Variants in KAZN observed in about 807,000 individuals in gnomAD.
The protein encoded by KAZN is kazrin.
KAZN carries 40 observed loss-of-function variants against 87.4 expected under a neutral mutation model. The observed-to-expected ratio is 0.46, with a 90% CI of 0.36 to 0.60. The LOEUF (loss-of-function observed/expected upper bound fraction) is 0.60. Among genes scored for constraint, KAZN ranks in the 20% least tolerant of loss-of-function variants. The probability of loss-of-function intolerance (pLI) is 0.00; values close to 1 mark genes in which losing one functional copy is unlikely to be tolerated. For missense variants in KAZN, 898 were observed against 1,073.9 expected (o/e 0.84, Z 2.29); for synonymous variants, 466 against 458.3 (o/e 1.02, Z -0.22).
At chr1:15,030,650 A>C (rs1020493506) in intron 2 of KAZN, among the ~76,000 whole-genome samples, 5 of 152,226 alleles carry the variant, frequency 3.3e-5, no homozygotes, top group African/African-American at 7.2e-5. Flanking sequence ...AAACTAGCCT[A>C]GCTGTGCCGG....
At chr1:14,950,038 A>G (rs941356553) in intron 1 of KAZN, among the ~76,000 whole-genome samples, 1 of 152,064 alleles carries the variant, frequency 6.6e-6, no homozygotes. Context: ...ACTGTGCAAT[A>G]TGAGAAAAGG....
intron 2 of KAZN, among the ~76,000 whole-genome samples, chr1:14,323,784 C>A (rs1232163341): frequency 1.3e-5 from 2 of 152,118 alleles, no homozygotes; most frequent in Admixed American, 1.3e-4. Flanking sequence ...ATTCCTTAAT[C>A]CATTCAGAGG....
At chr1:14,178,235 A>G (rs1035287269) in intron 1 of KAZN, among the ~76,000 whole-genome samples, 1 of 152,198 alleles carries the variant, frequency 6.6e-6, no homozygotes, top group Admixed American at 6.5e-5. Flanking sequence ...TCTTTCCTTT[A>G]TAAATTACCC....
intron 2 of KAZN, among the ~76,000 whole-genome samples, chr1:14,289,280 G>T (rs1205897302): frequency 6.6e-6 from 1 of 152,146 alleles, no homozygotes; most frequent in Non-Finnish European, 1.5e-5. Flanking sequence ...TGACAATGGG[G>T]TGTTAAAATC....
At chr1:14,629,534 G>C (rs1381128292) in intron 1 of KAZN, among the ~76,000 whole-genome samples, 1 of 152,182 alleles carries the variant, frequency 6.6e-6, no homozygotes, top group African/African-American at 2.4e-5. Flanking sequence ...GGGTGAGGTG[G>C]CCACGCCCTG....
intron 2 of KAZN, among the ~76,000 whole-genome samples, chr1:14,397,893 A>T (rs1019889386): frequency 7.3e-5 from 11 of 151,360 alleles, no homozygotes; most frequent in Admixed American, 2.0e-4. Flanking sequence ...GGCAGAAGGA[A>T]GGATGTGCCT....
At chr1:14,944,249 A>G (rs528176603) in intron 1 of KAZN, among the ~76,000 whole-genome samples, 111 of 150,622 alleles carry the variant, frequency 7.4e-4, no homozygotes, top group African/African-American at 2.7e-3. Flanking sequence ...AAAAAAAGCA[A>G]CTCACATTTT....
chr1:13,932,110 A>G (rs1322994701), intron 1 of KAZN, among the ~76,000 whole-genome samples: 1 of 150,350 alleles, frequency 6.7e-6, no homozygotes, highest in East Asian at 2.0e-4. Flanking sequence ...CACCTGCCTC[A>G]GTCTCCCAAA....
chr1:14,609,980 C>T (rs373000163), intron 1 of KAZN, among the ~76,000 whole-genome samples: 19 of 152,244 alleles, frequency 1.2e-4, no homozygotes, highest in East Asian at 5.8e-4. Flanking sequence ...CGCTGGGCCA[C>T]GCCCTCTTGG....
chr1:14,766,056 G>A (rs1051952572), intron 1 of KAZN, among the ~76,000 whole-genome samples: 6 of 152,148 alleles, frequency 3.9e-5, no homozygotes, highest in African/African-American at 1.2e-4. Flanking sequence ...AGGAGGTGAC[G>A]CCCATGAAAC....
intron 1 of KAZN, among the ~76,000 whole-genome samples, chr1:13,999,078 A>C (rs1256052330): frequency 6.6e-6 from 1 of 152,218 alleles, no homozygotes; most frequent in South Asian, 2.1e-4. Flanking sequence ...GGCCAGGCAC[A>C]GTGGCTCATG....
At chr1:14,135,013 A>ACG (rs773956027) in intron 1 of KAZN, among the ~76,000 whole-genome samples, 16,376 of 76,944 alleles carry the variant, frequency 0.21, 969 homozygotes, top group Admixed American at 0.29. Context: ...ATGTGCACAC[A>ACG]TGCACACATA....
At chr1:14,789,892 A>G (rs554732032) in intron 1 of KAZN, among the ~76,000 whole-genome samples, 2 of 151,580 alleles carry the variant, frequency 1.3e-5, no homozygotes, top group African/African-American at 4.8e-5. Context: ...CACGGAGTAG[A>G]TGACATCTCC....
chr1:14,382,466 C>CCCTCCCG (rs1051990703), intron 2 of KAZN, among the ~76,000 whole-genome samples: 2 of 79,900 alleles, frequency 2.5e-5, no homozygotes, highest in African/African-American at 1.1e-4. Flanking sequence ...TATCCCTCCC[C>CCCTCCCG]CCTCCCCCCA....
At chr1:14,111,983 C>T (rs1324885242) in intron 1 of KAZN, among the ~76,000 whole-genome samples, 5 of 152,018 alleles carry the variant, frequency 3.3e-5, no homozygotes, top group Non-Finnish European at 5.9e-5. Flanking sequence ...AGTGATCCAC[C>T]CACCTCGGCC....
intron 1 of KAZN, among the ~76,000 whole-genome samples, chr1:14,712,545 T>C (rs770684111): frequency 6.6e-6 from 1 of 152,122 alleles, no homozygotes; most frequent in Admixed American, 6.5e-5. Context: ...CCCTGGGAAA[T>C]AGAGCATTTT....
chr1:13,937,772 T>C (rs1640793370), intron 1 of KAZN, among the ~76,000 whole-genome samples: 1 of 152,216 alleles, frequency 6.6e-6, no homozygotes, highest in Non-Finnish European at 1.5e-5. Context: ...GCACCATTTA[T>C]TGAATAGGGT....
At chr1:14,417,643 G>C (rs945069258) in intron 2 of KAZN, among the ~76,000 whole-genome samples, 1 of 152,098 alleles carries the variant, frequency 6.6e-6, no homozygotes, top group Admixed American at 6.5e-5. Flanking sequence ...CCCTAGGAAA[G>C]AACAGCCTTG....
intron 8 of KAZN, 118 bp downstream of exon 8, chr1:15,065,871 C>G (rs550173796): frequency 6.5e-7 from 1 of 1,527,156 alleles, no homozygotes; most frequent in Admixed American, 2.1e-5. Flanking sequence ...AGCGTGGGTG[C>G]GCGTGTGGCC....
Sources: gnomAD v4.1 joint callset for allele counts (sites outside exome capture counted in the v4.1 genomes callset) on GRCh38, gnomAD v4.1.1 for gene constraint, MANE v1.5 for transcripts, NCBI Gene and HGNC (gene_info 2026-07-23, HGNC 2026-07-21) for gene names.